The following MTMR3 variants were observed in gnomAD, a reference collection of about 807,000 sequenced individuals.
MTMR3 encodes myotubularin related protein 3, also known as phosphatidylinositol-3,5-bisphosphate 3-phosphatase MTMR3.
MTMR3 carries 32 observed loss-of-function variants against 132.4 expected under a neutral mutation model. The ratio of observed to expected loss-of-function variants is 0.24; its 90% CI spans 0.18 to 0.32. The LOEUF is 0.32. MTMR3 is among the 10% of genes least tolerant of loss of function. MTMR3 has a pLI of 1.00. For synonymous variants in MTMR3, 556 were observed against 550.3 expected, an observed-to-expected ratio of 1.01 and a Z score of -0.14; for missense variants, 1,216 against 1,489.6, an observed-to-expected ratio of 0.82 and a Z score of 3.02.
At chr22:29,936,877 T>C (rs941023114) in intron 1 of MTMR3, among the ~76,000 whole-genome samples, 6 of 152,148 alleles carry the variant, frequency 3.9e-5, no homozygotes, top group Non-Finnish European at 8.8e-5. Flanking sequence ...TATTAAAAAA[T>C]ATGGCCCCTC....
At chr22:29,996,354 C>T (rs2067060054) in intron 7 of MTMR3, 1 of 152,180 alleles carries the variant, frequency 6.6e-6, no homozygotes. Flanking sequence ...ATGTTGTGCT[C>T]TGGATGGTGG....
At chr22:29,902,638 A>G (rs1568996764) in intron 1 of MTMR3, among the ~76,000 whole-genome samples, 1 of 152,092 alleles carries the variant, frequency 6.6e-6, no homozygotes, top group Non-Finnish European at 1.5e-5. Flanking sequence ...AAGTGCTGGG[A>G]TTACAGGCGT....
intron 1 of MTMR3, among the ~76,000 whole-genome samples, chr22:29,918,978 T>TG (rs2065358642): frequency 6.6e-6 from 1 of 152,222 alleles, no homozygotes; most frequent in South Asian, 2.1e-4. Context: ...ACTCATGGCC[T>TG]CAAGTGATCT....
At chr22:29,945,330 A>G (rs895315824) in intron 1 of MTMR3, among the ~76,000 whole-genome samples, 1 of 152,146 alleles carries the variant, frequency 6.6e-6, no homozygotes, top group Admixed American at 6.5e-5. Flanking sequence ...TTATAATGAC[A>G]TGTAGTAAGC....
chr22:30,011,828 G>C (rs2067434900), intron 12 of MTMR3: 1 of 152,592 alleles, frequency 6.6e-6, no homozygotes, highest in African/African-American at 2.4e-5. Flanking sequence ...ATTAAACAGT[G>C]GTAAGTGTTA....
At chr22:29,901,975 G>C (rs1336443939) in intron 1 of MTMR3, among the ~76,000 whole-genome samples, 1 of 152,102 alleles carries the variant, frequency 6.6e-6, no homozygotes, top group African/African-American at 2.4e-5. Flanking sequence ...GTTGTTTCCA[G>C]TTTTTGGTAA....
chr22:30,021,646 A>T (rs1229767091), intron 17 of MTMR3: 1 of 198,444 alleles, frequency 5.0e-6, no homozygotes, highest in South Asian at 1.1e-4. Context: ...GAGTCCTTCT[A>T]AGAAAAGGAG....
rs990831719 is a variant in MTMR3 at position 30,026,032 on chromosome 22, T to C, written c.*231T>C. ...CCTCTGCCTTCAAAAAAGGAAACTT[T>C]CCCTTGGTTGTCTTAATTTTTTTTT... On this transcript the variant is annotated 3_prime_UTR_variant, in exon 20 of 20. Transcript: ENST00000401950. The C allele has an allele frequency of 4.4e-6, 2 of 453,578 alleles. No individual in the cohort carries two copies. The highest frequency in any genetic ancestry group is 5.4e-5 in the South Asian group (1 of 18,690). 28.1% of individuals were successfully genotyped at this position (453,578 alleles called of 1,614,324 possible).
At chr22:29,888,043 A>G (rs2064712886) in intron 1 of MTMR3, among the ~76,000 whole-genome samples, 2 of 151,880 alleles carry the variant, frequency 1.3e-5, no homozygotes, top group Non-Finnish European at 2.9e-5. Flanking sequence ...TGGACACAGA[A>G]TCTTGCTCTG....
At chr22:29,886,072 A>G (rs1407973535) in intron 1 of MTMR3, among the ~76,000 whole-genome samples, 1 of 152,222 alleles carries the variant, frequency 6.6e-6, no homozygotes, top group Non-Finnish European at 1.5e-5. Flanking sequence ...CAGCGCAGTT[A>G]TCCGCATATT....
intron 1 of MTMR3, among the ~76,000 whole-genome samples, chr22:29,955,748 CT>C (rs971811591): frequency 4.0e-5 from 6 of 151,696 alleles, no homozygotes; most frequent in Admixed American, 2.6e-4. Context: ...ATTTTACTGA[CT>C]TTTTTTTTCT....
intron 12 of MTMR3, chr22:30,011,935 C>A (rs2067439686): frequency 6.4e-6 from 1 of 156,604 alleles, no homozygotes; most frequent in Non-Finnish European, 1.4e-5. Context: ...TTTTTCTTTT[C>A]TTTTCTTTTC....
intron 1 of MTMR3, among the ~76,000 whole-genome samples, chr22:29,923,182 C>T (rs1159726243): frequency 6.6e-6 from 1 of 151,644 alleles, no homozygotes; most frequent in Non-Finnish European, 1.5e-5. Flanking sequence ...GCTGGGACTA[C>T]AGGTGCGTGT....
chr22:30,024,689 C>T (rs545577701), intron 19 of MTMR3: 2 of 152,348 alleles, frequency 1.3e-5, no homozygotes, highest in Admixed American at 6.5e-5. Flanking sequence ...GTGTCAGGCT[C>T]CTTGGAGCTT....
chr22:29,944,574 A>G (rs1011182392), intron 1 of MTMR3, among the ~76,000 whole-genome samples: 1 of 152,218 alleles, frequency 6.6e-6, no homozygotes, highest in Non-Finnish European at 1.5e-5. Context: ...TTTTATCCTC[A>G]GGACATATGT....
rs372534939 is a variant in MTMR3, at chr22:29,971,687, CT to C, written c.3+626del. ...TAGGTGGAGCAGCCCTGCACACCCC[CT>C]CCTGTATCTTTAACCAGAAAGAGAA... is the stretch of plus-strand genomic sequence containing the variant. On this transcript the variant is annotated intron_variant, in intron 3 of 19. Transcript: ENST00000401950. Among the ~76,000 whole-genome samples the C allele has an allele frequency of 2.6e-3, 389 of 152,188 alleles. 1 individual carries two copies. The highest frequency in any genetic ancestry group is 9.0e-3 in the African/African-American group (372 of 41,510).
intron 1 of MTMR3, among the ~76,000 whole-genome samples, chr22:29,921,624 T>C (rs2065415278): frequency 6.6e-6 from 1 of 152,218 alleles, no homozygotes; most frequent in South Asian, 2.1e-4. Context: ...CATCCTTCTC[T>C]AGAACTTTTT....
chr22:29,996,608 C>G (rs1156817710), intron 7 of MTMR3: 1 of 152,202 alleles, frequency 6.6e-6, no homozygotes, highest in Non-Finnish European at 1.5e-5. Context: ...GGAGCTATAT[C>G]CCAGAGTCGG....
intron 1 of MTMR3, among the ~76,000 whole-genome samples, chr22:29,946,862 T>G (rs576373092): frequency 6.6e-6 from 1 of 152,174 alleles, no homozygotes; most frequent in Non-Finnish European, 1.5e-5. Context: ...ATATAGTTCT[T>G]AAAAAGATAC....
Sources: gnomAD v4.1 joint callset for allele counts (sites outside exome capture counted in the v4.1 genomes callset) on GRCh38, gnomAD v4.1.1 for gene constraint, MANE v1.5 for transcripts, NCBI Gene and HGNC (gene_info 2026-07-23, HGNC 2026-07-21) for gene names.